COG5: variants seen among roughly 807,000 people sequenced by gnomAD.
The protein encoded by COG5 is conserved oligomeric Golgi complex subunit 5.
COG5 carries 86 observed loss-of-function variants against 110.4 expected under a neutral mutation model. The ratio of observed to expected loss-of-function variants is 0.78; its 90% CI spans 0.65 to 0.93. The LOEUF (loss-of-function observed/expected upper bound fraction) is 0.93. Ranked by LOEUF, COG5 falls within the 40% of genes least tolerant of loss-of-function variation. The probability of loss-of-function intolerance (pLI) is 0.00; values close to 1 mark genes in which losing one functional copy is unlikely to be tolerated. For missense variants in COG5, 1,077 were observed against 987.0 expected (o/e 1.09, Z -1.22); for synonymous variants, 360 against 334.6 (o/e 1.08, Z -0.83).
chr7:107,392,107 T>C (rs1047096260), intron 7 of COG5, among the ~76,000 whole-genome samples: 5 of 152,042 alleles, frequency 3.3e-5, no homozygotes, highest in Non-Finnish European at 5.9e-5. Flanking sequence ...TAAAAAACCA[T>C]TATTTTCCTC....
chr7:107,442,246 T>C (rs565892020), intron 6 of COG5, among the ~76,000 whole-genome samples: 38 of 152,194 alleles, frequency 2.5e-4, no homozygotes, highest in Non-Finnish European at 4.0e-4. Flanking sequence ...TTGCCAGCCA[T>C]GTAAGACATG....
chr7:107,449,819 C>A (rs1457356429), intron 6 of COG5, among the ~76,000 whole-genome samples: 2 of 152,170 alleles, frequency 1.3e-5, no homozygotes, highest in African/African-American at 4.8e-5. Flanking sequence ...GCTGCAGCTA[C>A]AGCAGCACTT....
At chr7:107,405,089 T>C (rs933688945) in intron 7 of COG5, among the ~76,000 whole-genome samples, 2 of 152,122 alleles carry the variant, frequency 1.3e-5, no homozygotes, top group Non-Finnish European at 2.9e-5. Flanking sequence ...ATAAACTGCT[T>C]GGTCTTACTA....
chr7:107,548,394 G>T, intron 3 of COG5, 62 bp from the exon 4 acceptor site: 1 of 1,460,108 alleles, frequency 6.8e-7, no homozygotes, highest in Non-Finnish European at 9.6e-7. Flanking sequence ...TGGGTAAATA[G>T]TTAAATTAAA....
intron 6 of COG5, among the ~76,000 whole-genome samples, chr7:107,515,310 C>T (rs1030212721): frequency 2.0e-5 from 3 of 151,908 alleles, no homozygotes; most frequent in Non-Finnish European, 4.4e-5. Flanking sequence ...AACTAAAAAT[C>T]TTGCTAGATA....
chr7:107,312,421 T>A (rs1808348838), intron 11 of COG5, among the ~76,000 whole-genome samples: 1 of 152,166 alleles, frequency 6.6e-6, no homozygotes, highest in Non-Finnish European at 1.5e-5. Flanking sequence ...TGCAGTGGGC[T>A]AAGTGCTGAA....
At chr7:107,226,091 ACTGCTTAGTCAC>A in intron 19 of COG5, among the ~76,000 whole-genome samples, 1 of 152,264 alleles carries the variant, frequency 6.6e-6, no homozygotes, top group Admixed American at 6.5e-5. Context: ...CATACCATAT[ACTGCTTAGTCAC>A]CTGTTTTACC....
chr7:107,501,134 G>A (rs750163079), intron 6 of COG5, among the ~76,000 whole-genome samples: 1 of 152,002 alleles, frequency 6.6e-6, no homozygotes, highest in African/African-American at 2.4e-5. Context: ...CAAGAAGAAA[G>A]CTAGCATAAT....
chr7:107,550,253 G>T (rs1484870059), intron 3 of COG5, among the ~76,000 whole-genome samples: 4 of 152,072 alleles, frequency 2.6e-5, no homozygotes, highest in Non-Finnish European at 5.9e-5. Flanking sequence ...TACTCCATCT[G>T]CCACCACTCT....
intron 10 of COG5, among the ~76,000 whole-genome samples, chr7:107,333,273 T>C (rs1810424880): frequency 6.6e-6 from 1 of 152,154 alleles, no homozygotes; most frequent in South Asian, 2.1e-4. Context: ...AAATAAAAAT[T>C]TCTCTTTGTT....
At position 107,414,703 on chromosome 7, in the gene COG5, C is replaced by CTTTT. The variant is rs530323655; in HGVS notation, c.539-2075_539-2072dup. Among the ~76,000 whole-genome samples the CTTTT allele has an allele frequency of 1.5e-3, 93 of 61,712 alleles. 18 individuals carry two copies. The highest frequency in any genetic ancestry group is 2.1e-3 in the Non-Finnish European group (54 of 26,224). The allele number at this position is 61,712 out of a possible 152,430, so 40.5% of individuals were successfully genotyped here. On this transcript the variant is annotated intron_variant, in intron 6 of 21. Coordinates refer to ENST00000297135, the MANE Select transcript of COG5 (RefSeq NM_006348.5). ...ATTGATTCCAAAATCCTCACTGTCC[C>CTTTT]TTTTTTTTTTTTTTTTTTTTTTTTT... is the stretch of plus-strand genomic sequence containing the variant.
chr7:107,298,047 A>C, intron 12 of COG5, 95 bp downstream of exon 12: 1 of 536,328 alleles, frequency 1.9e-6, no homozygotes, highest in Non-Finnish European at 2.9e-6. Context: ...CTTGGTATAT[A>C]CTTAATTTAT....
intron 2 of COG5, among the ~76,000 whole-genome samples, chr7:107,555,798 G>A (rs1410103590): frequency 6.6e-6 from 1 of 152,008 alleles, no homozygotes; most frequent in Admixed American, 6.6e-5. Context: ...GATCATTTGA[G>A]GTCAGGAGTT....
intron 7 of COG5, among the ~76,000 whole-genome samples, chr7:107,395,847 G>T (rs1320959628): frequency 2.0e-5 from 3 of 151,976 alleles, no homozygotes; most frequent in East Asian, 3.9e-4. Context: ...GAGCCACTGC[G>T]CCCAGACAAA....
At chr7:107,523,809 T>C (rs996113876) in intron 6 of COG5, among the ~76,000 whole-genome samples, 3 of 151,298 alleles carry the variant, frequency 2.0e-5, no homozygotes, top group South Asian at 2.1e-4. Flanking sequence ...CAGCAAAACT[T>C]TGTCTCAAAA....
rs1254148429 is a variant in COG5, at chr7:107,558,088, T to G, written c.122A>C (p.Asp41Ala). 1 of 1,613,886 alleles carries G rather than the reference T, an allele frequency of 6.2e-7. No homozygotes were observed. The highest frequency in any genetic ancestry group is 1.7e-4 in the Middle Eastern group (1 of 6,058). The change falls in exon 2 of 22, where the codon GAC becomes GCC. Residue 41 changes from aspartate to alanine, a missense_variant. By Grantham distance (126) the Asp-to-Ala change is moderately radical. Transcript: ENST00000297135. Reference sequence around the variant, plus strand: ...AGAAGTATAAGTCTTTACATCAAAGTCTTCGTTTAAAAAGTCACTATAACA... The same window carrying G: ...AGAAGTATAAGTCTTTACATCAAAGGCTTCGTTTAAAAAGTCACTATAACA... ...DGCYSDFLNE[D>A]FDVKTYTSQS...
chr7:107,471,845 T>A (rs1215877315), intron 6 of COG5: 2 of 151,994 alleles, frequency 1.3e-5, no homozygotes, highest in Non-Finnish European at 2.9e-5. Context: ...CAATTATGTA[T>A]CCTCTTCTAA....
At chr7:107,497,874 A>G (rs1798378963) in intron 6 of COG5, among the ~76,000 whole-genome samples, 1 of 152,178 alleles carries the variant, frequency 6.6e-6, no homozygotes, top group South Asian at 2.1e-4. Context: ...GTATCATCAT[A>G]CTTCTTTATA....
intron 10 of COG5, among the ~76,000 whole-genome samples, chr7:107,360,225 C>G (rs1166978040): frequency 6.6e-6 from 1 of 152,152 alleles, no homozygotes; most frequent in Non-Finnish European, 1.5e-5. Flanking sequence ...TACTGCAGGT[C>G]ACCTCTCCAC....
Sources: gnomAD v4.1 joint callset for allele counts (sites outside exome capture counted in the v4.1 genomes callset) on GRCh38, gnomAD v4.1.1 for gene constraint, MANE v1.5 for transcripts, NCBI Gene and HGNC (gene_info 2026-07-23, HGNC 2026-07-21) for gene names.